Variants in ALG12 observed in about 807,000 individuals in gnomAD.
ALG12 encodes the protein ALG12 alpha-1,6-mannosyltransferase.
ALG12 carries 36 observed loss-of-function variants against 46.0 expected under a neutral mutation model. That is an observed-to-expected ratio of 0.78 (90% CI 0.60 to 1.03). The LOEUF (loss-of-function observed/expected upper bound fraction) is 1.03. Ranked by LOEUF, ALG12 falls within the 50% of genes least tolerant of loss-of-function variation. The pLI, the probability that ALG12 is intolerant of heterozygous loss-of-function variation, is 0.00. For synonymous variants in ALG12, 326 were observed against 291.6 expected (o/e 1.12, Z -1.20); for missense variants, 599 against 633.5 (o/e 0.95, Z 0.58).
downstream of ALG12, among the ~76,000 whole-genome samples, chr22:49,898,642 G>A (rs2060492898): frequency 1.3e-5 from 2 of 152,024 alleles, no homozygotes; most frequent in Admixed American, 1.3e-4. Flanking sequence ...CACTGCCTCG[G>A]CCTCCCCAAA....
chr22:49,888,301 TCATTTGCCTA>T, the ALG12 span: 787 of 167,014 alleles, frequency 4.7e-3, 1 homozygote, highest in Non-Finnish European at 7.4e-3. Context: ...GACTAATCAC[TCATTTGCCTA>T]CGACCTTTTA....
intron 7 of ALG12, 70 bp from the exon 8 acceptor site, chr22:49,904,576 T>C (rs2060533132): frequency 6.4e-7 from 1 of 1,555,702 alleles, no homozygotes; most frequent in Non-Finnish European, 8.8e-7. Context: ...CTACAAAACA[T>C]ACTAGGAGCA....
intron 1 of ALG12, among the ~76,000 whole-genome samples, chr22:49,915,536 C>T (rs1335874308): frequency 6.6e-6 from 1 of 152,076 alleles, no homozygotes; most frequent in East Asian, 1.9e-4. Context: ...CAGTCTGGGC[C>T]ACAGAGCGTG....
chr22:49,871,698 CCAATCAGAGTGCAGATTGCTGAA>C, the ALG12 span, among the ~76,000 whole-genome samples: 1 of 151,650 alleles, frequency 6.6e-6, no homozygotes, highest in Non-Finnish European at 1.5e-5. Context: ...AGATTGCTGA[CCAATCAGAGTGCAGATTGCTGAA>C]GGGTGGGGTG....
the ALG12 span, among the ~76,000 whole-genome samples, chr22:49,872,402 A>G: frequency 6.6e-6 from 1 of 152,046 alleles, no homozygotes. Context: ...TTTCCACCAA[A>G]TCTGCAGTCA....
rs2060562458 is a variant in ALG12, at chr22:49,909,360, AAT to A, written c.665-15_665-14del. On this transcript the variant is annotated splice_polypyrimidine_tract_variant and intron_variant, in intron 5 of 9. Coordinates refer to ENST00000330817, the MANE Select transcript of ALG12 (RefSeq NM_024105.4). ...GCAACCGTCAGTCCTGACAAAATAA[AAT>A]AGAGTTTCTTAGTCGCAAACACAGC... 1 of 1,613,966 alleles carries A rather than the reference AAT, an allele frequency of 6.2e-7. No individual in the cohort carries two copies. The highest frequency in any genetic ancestry group is 8.5e-7 in the Non-Finnish European group (1 of 1,179,856).
the ALG12 span, among the ~76,000 whole-genome samples, chr22:49,892,845 T>G: frequency 6.6e-6 from 1 of 152,128 alleles, no homozygotes; most frequent in African/African-American, 2.4e-5. Flanking sequence ...ATAAAAAAAT[T>G]ATGAGACACA....
the ALG12 span, among the ~76,000 whole-genome samples, chr22:49,892,206 A>AAAAAC: frequency 6.6e-6 from 1 of 151,972 alleles, no homozygotes; most frequent in East Asian, 1.9e-4. Flanking sequence ...AAAAAAAAAA[A>AAAAAC]AAAAAACTTT....
rs1003480884 is a variant in ALG12, at chr22:49,913,838, C to T, written c.-73G>A. 23 of 1,588,494 alleles carry T rather than the reference C, an allele frequency of 1.4e-5. No individual in the cohort carries two copies. The highest frequency in any genetic ancestry group is 2.2e-5 in the East Asian group (1 of 44,830). ...ACCAGCCGTTAGCACTGCCACTCCA[C>T]GCATGCTGGAAAAGTGGAAACAGAT... On this transcript the variant is annotated 5_prime_UTR_variant, in exon 2 of 10. The change creates a new upstream start codon in the 5' untranslated region. Transcript: ENST00000330817.
chr22:49,917,875 C>T (rs938823485), intron 1 of ALG12, among the ~76,000 whole-genome samples: 1 of 151,992 alleles, frequency 6.6e-6, no homozygotes, highest in African/African-American at 2.4e-5. Context: ...AGATCCCCAG[C>T]CCCCAGAGAC....
the ALG12 span, among the ~76,000 whole-genome samples, chr22:49,877,830 G>C: frequency 2.0e-5 from 3 of 152,078 alleles, no homozygotes; most frequent in Non-Finnish European, 4.4e-5. Flanking sequence ...CCTCCCGCCA[G>C]CACAGACCTG....
chr22:49,872,510 C>A, the ALG12 span, among the ~76,000 whole-genome samples: 1 of 152,088 alleles, frequency 6.6e-6, no homozygotes, highest in Admixed American at 6.6e-5. Flanking sequence ...ATTTTCCCGT[C>A]CCAGGAATCA....
rs142586266 is a variant in ALG12, at chr22:49,913,438, G to A, written c.242C>T (p.Ala81Val). The change falls in exon 3 of 10, where the codon GCG becomes GTG. Residue 81 changes from alanine to valine, a missense_variant. Physicochemically the swap from Ala to Val is moderately conservative, Grantham distance 64. Coordinates refer to ENST00000330817, the MANE Select transcript of ALG12 (RefSeq NM_024105.4). Reference sequence around the variant, plus strand: ...TTCTAACAGCGAAAGCACGTAAACCGCGGGGCTGGAGAACACTGCGATCAC... The same window carrying A: ...TTCTAACAGCGAAAGCACGTAAACCACGGGGCTGGAGAACACTGCGATCAC... The part of the protein sequence containing the change: ...PVVIAVFSSP[A>V]VYVLSLLEMS... 174 of 1,613,976 alleles carry A rather than the reference G, an allele frequency of 1.1e-4. No homozygotes were observed. The Middle Eastern group carries it at 2.5e-3, about 23-fold the overall frequency.
At chr22:49,862,004 G>T in the ALG12 span, among the ~76,000 whole-genome samples, 1 of 152,188 alleles carries the variant, frequency 6.6e-6, no homozygotes, top group Non-Finnish European at 1.5e-5. Context: ...CCAACAGAGG[G>T]CATTACTAAG....
At chr22:49,886,661 C>A in the ALG12 span, 17 of 1,607,408 alleles carry the variant, frequency 1.1e-5, no homozygotes, top group African/African-American at 2.0e-4. This position sits in a 1 kb window ranked among gnomAD's most constrained non-coding sequence, Gnocchi z 7.7. Flanking sequence ...CTCCACGACC[C>A]GCGGTACGTC....
intron 1 of ALG12, among the ~76,000 whole-genome samples, chr22:49,917,945 T>TCCAGCCCCAGGTGAGGAGC (rs2060624128): frequency 1.5e-5 from 2 of 135,762 alleles, no homozygotes; most frequent in Non-Finnish European, 3.2e-5. Flanking sequence ...AGGTGGGAGG[T>TCCAGCCCCAGGTGAGGAGC]CCGGCCCCAG....
chr22:49,884,251 G>C, the ALG12 span: 1 of 1,604,962 alleles, frequency 6.2e-7, no homozygotes, highest in South Asian at 1.1e-5. Context: ...TGCGGACGCG[G>C]GTGACCTCAG....
chr22:49,910,373 C>T (rs751012179), intron 4 of ALG12, 61 bp downstream of exon 4: 28 of 1,579,364 alleles, frequency 1.8e-5, no homozygotes, highest in East Asian at 2.3e-5. Context: ...CTGCACAGCC[C>T]GACTCAGGGG....
chr22:49,910,751 C>G (rs996782184), intron 3 of ALG12, 144 bp from the exon 4 acceptor site: 2 of 988,252 alleles, frequency 2.0e-6, no homozygotes, highest in African/African-American at 3.2e-5. Flanking sequence ...TCAGGCAAAG[C>G]AGCCTTGAGG....
Sources: gnomAD v4.1 joint callset for allele counts (sites outside exome capture counted in the v4.1 genomes callset) on GRCh38, gnomAD v4.1.1 for gene constraint, Gnocchi (gnomAD v3.1) non-coding constraint, MANE v1.5 for transcripts, NCBI Gene and HGNC (gene_info 2026-07-23, HGNC 2026-07-21) for gene names.